The following WIPI1 variants were observed in gnomAD, a reference collection of about 807,000 sequenced individuals.
WIPI1 encodes WD repeat domain phosphoinositide-interacting protein 1.
A neutral mutation model predicts 55.3 loss-of-function variants in WIPI1; 45 were observed. That is an observed-to-expected ratio of 0.81 (90% confidence interval 0.64 to 1.04). The LOEUF (loss-of-function observed/expected upper bound fraction) is 1.04, where lower values mean the gene tolerates loss of function less well. Ranked by LOEUF, WIPI1 falls within the 50% of genes least tolerant of loss-of-function variation. WIPI1 has a pLI of 0.00. For synonymous variants in WIPI1, 195 were observed against 217.6 expected (o/e 0.90, Z 0.92); for missense variants, 445 against 559.0 (o/e 0.80, Z 2.06).
chr17:68,432,783 C>T (rs1007423558), intron 8 of WIPI1, among the ~76,000 whole-genome samples: 15 of 152,254 alleles, frequency 9.9e-5, no homozygotes, highest in African/African-American at 3.1e-4. Flanking sequence ...GTTTTCAAAG[C>T]GCTCTTTCTC....
intron 12 of WIPI1, among the ~76,000 whole-genome samples, chr17:68,425,226 T>C (rs1056313706): frequency 1.3e-5 from 2 of 152,168 alleles, no homozygotes; most frequent in South Asian, 2.1e-4. Context: ...CTTTTTGAGA[T>C]AGAGTCTCAC....
chr17:68,450,678 T>C (rs2084464880), intron 3 of WIPI1, 50 bp downstream of exon 3: 1 of 1,548,992 alleles, frequency 6.5e-7, no homozygotes. Context: ...TCTTTTTGTT[T>C]GGCTCCCGTT....
intron 4 of WIPI1, among the ~76,000 whole-genome samples, chr17:68,436,948 C>T (rs967943972): frequency 2.7e-5 from 4 of 150,942 alleles, no homozygotes; most frequent in South Asian, 2.1e-4. Flanking sequence ...GAGTGGAGAT[C>T]GTGCCACTGC....
chr17:68,446,552 AG>A (rs2084292478), intron 3 of WIPI1, among the ~76,000 whole-genome samples: 1 of 152,208 alleles, frequency 6.6e-6, no homozygotes, highest in Non-Finnish European at 1.5e-5. Flanking sequence ...AAATTCTAAC[AG>A]GTTCTCAAAA....
intron 12 of WIPI1, among the ~76,000 whole-genome samples, chr17:68,425,148 A>C (rs2083075604): frequency 6.6e-6 from 1 of 152,176 alleles, no homozygotes; most frequent in African/African-American, 2.4e-5. Context: ...AACCCAGCTA[A>C]AGGTGCTCGG....
Position 68,430,093 on chromosome 17 carries a change from G to C in WIPI1, c.868C>G (p.Leu290Val). 6.2e-7 allele frequency: 1 copy of C among 1,614,166 alleles called. No individual in the cohort carries two copies. Among genetic ancestry groups the C allele is most frequent in the Non-Finnish European group, 8.5e-7 (1 of 1,180,044 alleles). The change falls in exon 9 of 13, where the codon CTC becomes GTC. Residue 290 changes from leucine to valine, a missense_variant. By Grantham distance (32) the Leu-to-Val change is conservative. Transcript: ENST00000262139. ...ATCATGTCTGACACCTGGGTAGGGA[G>C]GTAGTTGGTAGCAGCCATAAACATC... ...GKMFMAATNY[L>V]PTQVSDMMHQ... is the part of the protein sequence containing the mutation.
chr17:68,440,335 A>G (rs2084023196), intron 4 of WIPI1, among the ~76,000 whole-genome samples: 1 of 152,274 alleles, frequency 6.6e-6, no homozygotes, highest in Admixed American at 6.5e-5. Flanking sequence ...AAGGCAAGCA[A>G]GAAGAGTTTT....
chr17:68,441,644 G>A (rs2084081487), intron 4 of WIPI1, among the ~76,000 whole-genome samples: 1 of 152,192 alleles, frequency 6.6e-6, no homozygotes. Flanking sequence ...GCTGTCCTAT[G>A]GGACAGAGAG....
chr17:68,445,601 C>G (rs1037920428), intron 3 of WIPI1, among the ~76,000 whole-genome samples: 7 of 152,242 alleles, frequency 4.6e-5, no homozygotes, highest in Non-Finnish European at 1.0e-4. Flanking sequence ...CCAGACCCTT[C>G]TCTTCCTCTC....
chr17:68,442,390 G>A (rs536358961), intron 4 of WIPI1, among the ~76,000 whole-genome samples: 1 of 151,710 alleles, frequency 6.6e-6, no homozygotes, highest in East Asian at 1.9e-4. Flanking sequence ...ACTTGAATCC[G>A]GGAGGCGAAG....
At chr17:68,427,395 T>C (rs1284049858) in intron 10 of WIPI1, 142 bp from the exon 11 acceptor site, 14 of 620,534 alleles carry the variant, frequency 2.3e-5, no homozygotes, top group Non-Finnish European at 3.0e-5. Context: ...CTTGCTCTAT[T>C]GCCCAGGCTG....
chr17:68,457,301 C>CT (rs2084670765), intron 1 of WIPI1, 41 bp downstream of exon 1: 1 of 1,537,084 alleles, frequency 6.5e-7, no homozygotes, highest in Admixed American at 2.0e-5. Flanking sequence ...TCCTGACACT[C>CT]TGTCCCCCAC....
rs2082755596 is a variant in WIPI1, at chr17:68,421,334, A to G, written c.*439T>C. 1 of 162,032 alleles carries G rather than the reference A, an allele frequency of 6.2e-6. No homozygotes were observed. The highest frequency in any genetic ancestry group is 2.4e-5 in the African/African-American group (1 of 41,732). 10.0% of individuals were successfully genotyped at this position (162,032 alleles called of 1,614,324 possible). A position where few individuals can be genotyped will look rare whatever the true frequency, so the allele number is the denominator to read the frequency against. On this transcript the variant is annotated 3_prime_UTR_variant, in exon 13 of 13. Transcript: ENST00000262139. Reference sequence around the variant, plus strand: ...CCAAAATGGGACTCCCAAGTAATAAATGATTTATTCCAGCCACAGCCAAAA... The same window carrying G: ...CCAAAATGGGACTCCCAAGTAATAAGTGATTTATTCCAGCCACAGCCAAAA...
At chr17:68,434,814 C>T (rs1209115668) in intron 6 of WIPI1, among the ~76,000 whole-genome samples, 188 bp from the exon 7 acceptor site, 5 of 152,182 alleles carry the variant, frequency 3.3e-5, no homozygotes, top group Admixed American at 2.6e-4. Flanking sequence ...TATAAACACC[C>T]TCTGTCTACC....
intron 8 of WIPI1, among the ~76,000 whole-genome samples, chr17:68,431,408 G>A (rs1379079655): frequency 1.3e-5 from 2 of 152,048 alleles, no homozygotes; most frequent in East Asian, 1.9e-4. Flanking sequence ...TTTATGGGAT[G>A]GTGTCTCTGT....
chr17:68,457,389 G>A lies in WIPI1; in HGVS notation c.33C>T (p.Gly11=). The A allele has an allele frequency of 6.5e-7, 1 of 1,535,368 alleles. No individual in the cohort carries two copies. The highest frequency in any genetic ancestry group is 8.8e-7 in the Non-Finnish European group (1 of 1,142,282). Residue 11 remains glycine, a synonymous_variant, in exon 1 of 13, where the codon GGC becomes GGT. Transcript: ENST00000262139. MEAEAADAPP[G]GVESALSCFS... ...AGCAGCTGAGCGCCGACTCAACCCC[G>A]CCCGGGGGAGCGTCCGCGGCCTCGG...
At chr17:68,431,708 A>G (rs1443937994) in intron 8 of WIPI1, among the ~76,000 whole-genome samples, 2 of 8,928 alleles carry the variant, frequency 2.2e-4, no homozygotes, top group African/African-American at 1.3e-3. Context: ...CTGGCCAGCG[A>G]AGCAGGGCTG....
At chr17:68,448,275 A>T (rs1166777886) in intron 3 of WIPI1, 1 of 152,238 alleles carries the variant, frequency 6.6e-6, no homozygotes, top group Non-Finnish European at 1.5e-5. Context: ...GAAAGTTTTA[A>T]GAAAAGCAAA....
At chr17:68,443,226 T>C (rs971140202) in intron 4 of WIPI1, among the ~76,000 whole-genome samples, 1 of 152,198 alleles carries the variant, frequency 6.6e-6, no homozygotes, top group Non-Finnish European at 1.5e-5. Flanking sequence ...TTTTCCTGTC[T>C]CAACCTCCCA....
Sources: gnomAD v4.1 joint callset for allele counts (sites outside exome capture counted in the v4.1 genomes callset) on GRCh38, gnomAD v4.1.1 for gene constraint, MANE v1.5 for transcripts, NCBI Gene and HGNC (gene_info 2026-07-23, HGNC 2026-07-21) for gene names.